NHEJ1: variants seen among roughly 807,000 people sequenced by gnomAD.
The protein encoded by NHEJ1 is non-homologous end-joining factor 1.
A neutral mutation model predicts 39.4 loss-of-function variants in NHEJ1; 22 were observed. The observed-to-expected ratio is 0.56, with a 90% CI of 0.40 to 0.80. The LOEUF (loss-of-function observed/expected upper bound fraction) is 0.80, where lower values mean the gene tolerates loss of function less well. Ranked by LOEUF, NHEJ1 falls within the 30% of genes least tolerant of loss-of-function variation. The pLI is 0.00. For missense variants in NHEJ1, 329 were observed against 357.1 expected, an observed-to-expected ratio of 0.92 and a Z score of 0.63; for synonymous variants, 154 against 135.6, an observed-to-expected ratio of 1.14 and a Z score of -0.94.
chr2:219,150,478 T>G (rs1003444132), intron 3 of NHEJ1, among the ~76,000 whole-genome samples: 1 of 152,130 alleles, frequency 6.6e-6, no homozygotes, highest in Admixed American at 6.5e-5. Flanking sequence ...TTGGAAAAAT[T>G]TATCTGCTCT....
intron 5 of NHEJ1, among the ~76,000 whole-genome samples, chr2:219,084,564 G>C (rs1949095480): frequency 6.6e-6 from 1 of 152,156 alleles, no homozygotes; most frequent in South Asian, 2.1e-4. Flanking sequence ...GCATCAGAAG[G>C]TCCTGGGTTT....
intron 5 of NHEJ1, among the ~76,000 whole-genome samples, chr2:219,139,803 C>T (rs1381481992): frequency 2.0e-5 from 3 of 152,174 alleles, no homozygotes; most frequent in Admixed American, 2.0e-4. Flanking sequence ...CCTCAGCCTC[C>T]CAAGTAGCTA....
intron 5 of NHEJ1, among the ~76,000 whole-genome samples, chr2:219,100,145 ACT>A (rs1278921940): frequency 1.3e-5 from 2 of 152,172 alleles, no homozygotes; most frequent in Non-Finnish European, 2.9e-5. Flanking sequence ...GTCAGGAATC[ACT>A]CTGTAATTAC....
intron 3 of NHEJ1, among the ~76,000 whole-genome samples, chr2:219,149,164 G>A (rs1330811499): frequency 6.6e-6 from 1 of 152,078 alleles, no homozygotes; most frequent in Non-Finnish European, 1.5e-5. Context: ...GATTACAGGC[G>A]TGAGCCACCG....
intron 5 of NHEJ1, among the ~76,000 whole-genome samples, chr2:219,135,071 T>C (rs1949614261): frequency 7.0e-6 from 1 of 142,576 alleles, no homozygotes; most frequent in Non-Finnish European, 1.5e-5. Context: ...TCAACATGTA[T>C]GTGAAAAAAA....
chr2:219,101,938 A>G (rs1248825515), intron 5 of NHEJ1, among the ~76,000 whole-genome samples: 3 of 147,926 alleles, frequency 2.0e-5, no homozygotes, highest in Non-Finnish European at 3.0e-5. Flanking sequence ...GTTGGCCAAG[A>G]TGGTCTCGAT....
chr2:219,139,378 C>T (rs1949668618), intron 5 of NHEJ1, among the ~76,000 whole-genome samples: 1 of 151,942 alleles, frequency 6.6e-6, no homozygotes, highest in African/African-American at 2.4e-5. Context: ...ATGAGCCACC[C>T]CACCTGGCCT....
chr2:219,089,773 A>C (rs1949144924), intron 5 of NHEJ1, among the ~76,000 whole-genome samples: 1 of 152,218 alleles, frequency 6.6e-6, no homozygotes, highest in African/African-American at 2.4e-5. Flanking sequence ...TTTTAAAAAC[A>C]AGTTTTAAAA....
chr2:219,137,784 A>T lies in NHEJ1; in HGVS notation c.588+8896T>A, dbSNP rs189900931. Among the ~76,000 whole-genome samples the T allele has an allele frequency of 2.0e-5, 3 of 152,136 alleles. No homozygotes were observed. The South Asian group carries it at 6.2e-4, about 32-fold the overall frequency. ...TAAAATGTCTTCCACATAGTTTTCAATCAAAGCCTAAATCAAAGCCCAGTT... is the reference window on the plus strand; with the variant it reads ...TAAAATGTCTTCCACATAGTTTTCATTCAAAGCCTAAATCAAAGCCCAGTT... On this transcript the variant is annotated intron_variant, in intron 5 of 7. Coordinates refer to ENST00000356853, the MANE Select transcript of NHEJ1 (RefSeq NM_024782.3).
chr2:219,150,014 A>C (rs1559203073), intron 3 of NHEJ1, among the ~76,000 whole-genome samples: 1 of 152,252 alleles, frequency 6.6e-6, no homozygotes, highest in Non-Finnish European at 1.5e-5. Flanking sequence ...AACAGGCTTG[A>C]AATGAGGAAA....
chr2:219,073,808 TA>T lies in NHEJ1; in HGVS notation c.*2572del, dbSNP rs1948987175. ...GCGGGGAGGTGGGCCACTGCTTTAT[TA>T]AACACAGGGAAAACTAATATTTACG... On this transcript the variant is annotated 3_prime_UTR_variant, in exon 8 of 8. Transcript: ENST00000356853. Among the ~76,000 whole-genome samples, 1 of 152,230 alleles carries T rather than the reference TA, an allele frequency of 6.6e-6. No individual in the cohort carries two copies. Among genetic ancestry groups the T allele is most frequent in the East Asian group, 1.9e-4 (1 of 5,198 alleles).
intron 5 of NHEJ1, among the ~76,000 whole-genome samples, chr2:219,107,511 C>T (rs942284426): frequency 6.6e-6 from 1 of 152,196 alleles, no homozygotes; most frequent in Non-Finnish European, 1.5e-5. Flanking sequence ...AAGCAAGAAA[C>T]AGCAATGTCT....
At chr2:219,155,282 A>G (rs1949842346) in intron 3 of NHEJ1, among the ~76,000 whole-genome samples, 2 of 151,912 alleles carry the variant, frequency 1.3e-5, no homozygotes, top group African/African-American at 4.8e-5. Context: ...GAAATAAAGT[A>G]TGGGATGGGG....
intron 3 of NHEJ1, among the ~76,000 whole-genome samples, chr2:219,152,789 T>TTATATTTATTTATTTA (rs60094718): frequency 1.1e-4 from 10 of 87,784 alleles, no homozygotes; most frequent in East Asian, 4.9e-4. Flanking sequence ...ATTTATTTAT[T>TTATATTTATTTATTTA]TTTATTTATT....
At chr2:219,103,153 AT>A (rs1411431063) in intron 5 of NHEJ1, among the ~76,000 whole-genome samples, 1 of 149,148 alleles carries the variant, frequency 6.7e-6, no homozygotes, top group African/African-American at 2.5e-5. Flanking sequence ...TGCACTCTTT[AT>A]AAAAAAAAGC....
intron 5 of NHEJ1, chr2:219,095,162 G>C: frequency 2.5e-6 from 1 of 403,936 alleles, no homozygotes; most frequent in Admixed American, 2.9e-5. Flanking sequence ...GGAAACACTT[G>C]GCTAAATCAG....
At chr2:219,137,593 C>CAAAAAAAAAAAAAAAAAAAAAAAAAA (rs1290030506) in intron 5 of NHEJ1, among the ~76,000 whole-genome samples, 1 of 82,180 alleles carries the variant, frequency 1.2e-5, no homozygotes, top group Non-Finnish European at 2.3e-5. Context: ...AAAAAAAAAA[C>CAAAAAAAAAAAAAAAAAAAAAAAAAA]AAAAAAAACT....
At chr2:219,076,557 C>CTTT (rs778354452) in intron 7 of NHEJ1, 102 bp from the exon 8 acceptor site, 128 of 457,026 alleles carry the variant, frequency 2.8e-4, no homozygotes, top group South Asian at 3.2e-4. Context: ...AGGATGAGGC[C>CTTT]TTTTTTTTTT....
At position 219,108,538 on chromosome 2, in the gene NHEJ1, A is replaced by T. The variant is rs561306301; in HGVS notation, c.589-30332T>A. Among the ~76,000 whole-genome samples, 3 of 152,346 alleles carry T rather than the reference A, an allele frequency of 2.0e-5. No homozygotes were observed. In the South Asian group the frequency reaches 6.2e-4, roughly 32 times the overall value. On this transcript the variant is annotated intron_variant, in intron 5 of 7. Coordinates refer to ENST00000356853, the MANE Select transcript of NHEJ1 (RefSeq NM_024782.3). ...TTACTACTCTAGTCATCCACAAAAA[A>T]GTACCCAGGCAGGAGGCACGCTCAG... is the stretch of plus-strand genomic sequence containing the variant.
Sources: gnomAD v4.1 joint callset for allele counts (sites outside exome capture counted in the v4.1 genomes callset) on GRCh38, gnomAD v4.1.1 for gene constraint, MANE v1.5 for transcripts, NCBI Gene and HGNC (gene_info 2026-07-23, HGNC 2026-07-21) for gene names.